The following MAN1A1 variants were observed in gnomAD, a reference collection of about 807,000 sequenced individuals.
The protein encoded by MAN1A1 is mannosyl-oligosaccharide 1,2-alpha-mannosidase IA.
MAN1A1 carries 29 observed loss-of-function variants against 70.8 expected under a neutral mutation model. That is an observed-to-expected ratio of 0.41 (90% confidence interval 0.31 to 0.56). The LOEUF (loss-of-function observed/expected upper bound fraction) is 0.56, where lower values mean the gene tolerates loss of function less well. MAN1A1 is among the 20% of genes least tolerant of loss of function. The pLI is 0.29. For synonymous variants in MAN1A1, 349 were observed against 330.1 expected (o/e 1.06, Z -0.62); for missense variants, 747 against 841.3 (o/e 0.89, Z 1.39).
At chr6:119,210,949 T>C (rs1277005818) in intron 6 of MAN1A1, 2 of 454,516 alleles carry the variant, frequency 4.4e-6, no homozygotes, top group Non-Finnish European at 8.8e-6. Context: ...AATCATCATA[T>C]TGAGTCTTTT....
At chr6:119,256,270 T>C (rs1376281977) in intron 5 of MAN1A1, among the ~76,000 whole-genome samples, 1 of 152,212 alleles carries the variant, frequency 6.6e-6, no homozygotes, top group Non-Finnish European at 1.5e-5. Flanking sequence ...TTCTAGTGAA[T>C]AGGCACTTTA....
rs148806304 is a variant in MAN1A1 at position 119,348,541 on chromosome 6, G to A, written c.525C>T (p.Asp175=). The part of the protein sequence containing the change: ...KAPFRGLPPV[D]FVPPIGVESR... The stretch of plus-strand genomic sequence containing the variant: ...TCTCCACCCCGATTGGGGGCACGAA[G>A]TCCACCGGGGGCAGGCCTCTGAACG... The change falls in exon 2 of 13, where the codon GAC becomes GAT. Residue 175 remains aspartate (D), a synonymous_variant. Transcript: ENST00000368468. 0.011 allele frequency: 17,555 copies of A among 1,613,150 alleles called. 109 individuals carry two copies. Among genetic ancestry groups the A allele is most frequent in the Non-Finnish European group, 0.013 (15,519 of 1,179,632 alleles).
At chr6:119,237,227 G>A (rs1774870025) in intron 6 of MAN1A1, among the ~76,000 whole-genome samples, 1 of 152,202 alleles carries the variant, frequency 6.6e-6, no homozygotes, top group African/African-American at 2.4e-5. Context: ...TGATAAAGCA[G>A]CAGCAGGGTT....
At chr6:119,264,770 A>G (rs1275343404) in intron 5 of MAN1A1, among the ~76,000 whole-genome samples, 3 of 152,220 alleles carry the variant, frequency 2.0e-5, no homozygotes, top group Non-Finnish European at 4.4e-5. Context: ...TTCTCTTTTC[A>G]TACAGACTAT....
intron 6 of MAN1A1, among the ~76,000 whole-genome samples, chr6:119,235,572 A>G (rs965619667): frequency 1.3e-5 from 2 of 152,236 alleles, no homozygotes; most frequent in Admixed American, 6.5e-5. Context: ...TCTCTGTAAC[A>G]TAGAAGTGCA....
intron 5 of MAN1A1, among the ~76,000 whole-genome samples, chr6:119,265,349 T>G (rs1362781950): frequency 1.3e-5 from 2 of 152,102 alleles, no homozygotes; most frequent in Non-Finnish European, 2.9e-5. Context: ...TCTTCCTGCC[T>G]TGGCCTCCAA....
At chr6:119,234,024 A>G (rs1774766704) in intron 6 of MAN1A1, among the ~76,000 whole-genome samples, 1 of 152,210 alleles carries the variant, frequency 6.6e-6, no homozygotes. Flanking sequence ...TCATTTCACA[A>G]AATAGAAAGG....
intron 6 of MAN1A1, among the ~76,000 whole-genome samples, chr6:119,217,817 C>CATGCACA (rs1582705992): frequency 6.6e-6 from 1 of 152,312 alleles, no homozygotes; most frequent in East Asian, 1.9e-4. Flanking sequence ...TATCCATCCA[C>CATGCACA]ATGCACACAC....
intron 5 of MAN1A1, among the ~76,000 whole-genome samples, chr6:119,257,300 TACC>T (rs1775486649): frequency 6.6e-6 from 1 of 152,164 alleles, no homozygotes; most frequent in African/African-American, 2.4e-5. Flanking sequence ...TGGCCTTAAA[TACC>T]AGGAAGAGAA....
At chr6:119,200,197 A>T (rs1442790945) in intron 8 of MAN1A1, among the ~76,000 whole-genome samples, 1 of 152,196 alleles carries the variant, frequency 6.6e-6, no homozygotes, top group Non-Finnish European at 1.5e-5. Context: ...AGTAAATATG[A>T]CTAAGACATG....
intron 6 of MAN1A1, among the ~76,000 whole-genome samples, chr6:119,229,528 T>C (rs1047138152): frequency 1.3e-5 from 2 of 152,362 alleles, no homozygotes; most frequent in East Asian, 3.9e-4. Flanking sequence ...TAAATTGTTA[T>C]GTTAGCTTAA....
At chr6:119,269,478 C>T (rs571237860) in intron 5 of MAN1A1, 30 of 172,484 alleles carry the variant, frequency 1.7e-4, no homozygotes, top group Non-Finnish European at 3.1e-4. Flanking sequence ...AGCAGCATGC[C>T]TCAAGCGGTC....
intron 5 of MAN1A1, among the ~76,000 whole-genome samples, chr6:119,286,568 A>G (rs182568685): frequency 1.3e-5 from 2 of 152,170 alleles, no homozygotes; most frequent in Non-Finnish European, 2.9e-5. Context: ...GCTGCCTTCA[A>G]AATGAGAGGT....
intron 6 of MAN1A1, among the ~76,000 whole-genome samples, chr6:119,237,558 C>G (rs1774885714): frequency 6.6e-6 from 1 of 152,106 alleles, no homozygotes; most frequent in Non-Finnish European, 1.5e-5. Context: ...CTCTCCCTCT[C>G]CCTCTCCCTC....
chr6:119,265,650 C>T (rs181233914), intron 5 of MAN1A1, among the ~76,000 whole-genome samples: 3 of 151,988 alleles, frequency 2.0e-5, no homozygotes, highest in African/African-American at 7.3e-5. Flanking sequence ...TGGTTTTGTG[C>T]TGGTTCAGCT....
intron 6 of MAN1A1, among the ~76,000 whole-genome samples, chr6:119,231,459 C>G (rs1181699837): frequency 6.6e-6 from 1 of 152,204 alleles, no homozygotes; most frequent in Non-Finnish European, 1.5e-5. Flanking sequence ...CAATGCGGAA[C>G]TGTGAGTCAA....
chr6:119,278,460 T>C (rs1159205405), intron 5 of MAN1A1, among the ~76,000 whole-genome samples: 5 of 152,228 alleles, frequency 3.3e-5, no homozygotes, highest in Non-Finnish European at 7.3e-5. Flanking sequence ...CAGCAACCTT[T>C]ACTCAGTACA....
At chr6:119,297,563 T>C (rs1772249527) in intron 4 of MAN1A1, among the ~76,000 whole-genome samples, 1 of 152,024 alleles carries the variant, frequency 6.6e-6, no homozygotes, top group Non-Finnish European at 1.5e-5. Context: ...AAACCAGAGA[T>C]CTTGCTGCAT....
At chr6:119,180,485 T>G (rs1773122070) in intron 11 of MAN1A1, 58 bp from the exon 12 acceptor site, 1 of 894,400 alleles carries the variant, frequency 1.1e-6, no homozygotes, top group African/African-American at 1.7e-5. Flanking sequence ...TTGTCACTAA[T>G]TTTTATTATT....
Sources: allele counts gnomAD v4.1 joint callset (sites outside exome capture counted in the v4.1 genomes callset), GRCh38; gene constraint gnomAD v4.1.1; transcripts MANE v1.5; gene names NCBI Gene and HGNC (gene_info 2026-07-23, HGNC 2026-07-21).